PCNT: variants seen among roughly 807,000 people sequenced by gnomAD.
PCNT encodes kendrin.
A neutral mutation model predicts 380.4 loss-of-function variants in PCNT; 319 were observed. The observed-to-expected ratio is 0.84, with a 90% CI of 0.77 to 0.92. PCNT has a LOEUF of 0.92. PCNT is among the 40% of genes least tolerant of loss of function. PCNT has a pLI of 0.00. For missense variants in PCNT, 4,400 were observed against 4,255.3 expected (o/e 1.03, Z -0.95); for synonymous variants, 1,845 against 1,735.2 (o/e 1.06, Z -1.57).
intron 15 of PCNT, among the ~76,000 whole-genome samples, chr21:46,367,343 C>T (rs1292715360): frequency 9.6e-5 from 14 of 145,450 alleles, no homozygotes; most frequent in Non-Finnish European, 1.5e-4. Flanking sequence ...GAGTCTCACT[C>T]TTTCGCCAGG....
intron 31 of PCNT, among the ~76,000 whole-genome samples, chr21:46,421,699 G>A (rs916272599): frequency 6.6e-6 from 1 of 152,220 alleles, no homozygotes; most frequent in African/African-American, 2.4e-5. Context: ...GTGAGCAGAG[G>A]TCCCCTAAGA....
intron 16 of PCNT, among the ~76,000 whole-genome samples, chr21:46,384,836 G>A (rs1260237740): frequency 6.6e-6 from 1 of 152,208 alleles, no homozygotes; most frequent in Non-Finnish European, 1.5e-5. Flanking sequence ...CGCATTCACG[G>A]TGTTGTGCGT....
chr21:46,389,086 ATC>A, intron 18 of PCNT, 111 bp from the exon 19 acceptor site: 1 of 1,303,352 alleles, frequency 7.7e-7, no homozygotes, highest in South Asian at 1.3e-5. Flanking sequence ...GCGCTGACTC[ATC>A]TCGGCTGGGG....
rs549580009 is a variant in PCNT at position 46,370,644 on chromosome 21, G to T, written c.3165+3505G>T. On this transcript the variant is annotated intron_variant, in intron 15 of 46. Coordinates refer to ENST00000359568, the MANE Select transcript of PCNT (RefSeq NM_006031.6). The stretch of plus-strand genomic sequence containing the variant: ...CACACGGGCTGGGCTTGGGGCTCAT[G>T]CCTGTAATCCCAGGGCTTCGGGAGG... Among the ~76,000 whole-genome samples the T allele has an allele frequency of 9.9e-5, 15 of 152,248 alleles. No homozygotes were observed. In the East Asian group the frequency reaches 2.5e-3, roughly 26 times the overall value.
chr21:46,336,503 C>T (rs543967521), intron 3 of PCNT, among the ~76,000 whole-genome samples: 5 of 152,306 alleles, frequency 3.3e-5, no homozygotes, highest in Non-Finnish European at 7.3e-5. Flanking sequence ...CCGTGGGGAG[C>T]CCCTTCAGGT....
intron 5 of PCNT, 57 bp from the exon 6 acceptor site, chr21:46,347,399 TG>T: frequency 6.4e-7 from 1 of 1,570,806 alleles, no homozygotes; most frequent in Non-Finnish European, 8.8e-7. Flanking sequence ...CCTGGGCAGT[TG>T]GGTCACTGAA....
At chr21:46,428,927 T>C (rs922465286) in intron 35 of PCNT, among the ~76,000 whole-genome samples, 5 of 144,716 alleles carry the variant, frequency 3.5e-5, no homozygotes, top group Non-Finnish European at 7.4e-5. Flanking sequence ...TCGGGAGTTT[T>C]TATGTAGATG....
At chr21:46,341,854 T>C (rs1271901589) in intron 3 of PCNT, among the ~76,000 whole-genome samples, 4 of 152,068 alleles carry the variant, frequency 2.6e-5, no homozygotes, top group African/African-American at 7.2e-5. Context: ...AATTTTTAAA[T>C]ATTTTGTAGA....
chr21:46,400,880 C>T (rs2086401518), intron 25 of PCNT, among the ~76,000 whole-genome samples: 1 of 152,150 alleles, frequency 6.6e-6, no homozygotes, highest in Admixed American at 6.5e-5. Flanking sequence ...TTTCCTCAGG[C>T]CCTGACGTGT....
At chr21:46,422,294 G>A (rs1164159119) in intron 32 of PCNT, among the ~76,000 whole-genome samples, 170 bp downstream of exon 32, 1 of 152,160 alleles carries the variant, frequency 6.6e-6, no homozygotes, top group Non-Finnish European at 1.5e-5. Flanking sequence ...CGGTGGCCCC[G>A]GAAGCCGCCC....
At chr21:46,381,194 CTCTGTGTG>C (rs1202434716) in intron 15 of PCNT, among the ~76,000 whole-genome samples, 40 of 72,904 alleles carry the variant, frequency 5.5e-4, no homozygotes, top group Admixed American at 3.8e-3. Context: ...AAAAAAAAAT[CTCTGTGTG>C]TGTGTGTGTG....
At position 46,376,866 on chromosome 21, in the gene PCNT, TAAA is replaced by T. The variant is rs1488427682; in HGVS notation, c.3166-4827_3166-4825del. Among the ~76,000 whole-genome samples the T allele has an allele frequency of 2.0e-5, 3 of 152,354 alleles. 1 individual carries two copies. The highest frequency in any genetic ancestry group is 7.2e-5 in the African/African-American group (3 of 41,582). On this transcript the variant is annotated intron_variant, in intron 15 of 46. Transcript: ENST00000359568. The stretch of plus-strand genomic sequence containing the variant: ...GTCCTTCCTTTCAAACAGATGGAAC[TAAA>T]TCAAATCCAGGAGAGAAAGTTGATT...
intron 42 of PCNT, 93 bp downstream of exon 42, chr21:46,440,295 C>G (rs2053572628): frequency 7.3e-7 from 1 of 1,366,912 alleles, no homozygotes; most frequent in South Asian, 1.2e-5. Flanking sequence ...CCACAAGGTT[C>G]TCGTCTGCCG....
At chr21:46,359,592 G>A (rs1314747098) in intron 13 of PCNT, among the ~76,000 whole-genome samples, 2 of 134,156 alleles carry the variant, frequency 1.5e-5, no homozygotes, top group Admixed American at 7.8e-5. Context: ...GGTTTCAAGC[G>A]ATTCTGCTGC....
At chr21:46,436,437 C>G (rs2053450681) in intron 39 of PCNT, among the ~76,000 whole-genome samples, 1 of 148,322 alleles carries the variant, frequency 6.7e-6, no homozygotes, top group Non-Finnish European at 1.5e-5. Flanking sequence ...TAGTTGCTCA[C>G]CACCCACAGG....
intron 35 of PCNT, 86 bp downstream of exon 35, chr21:46,428,676 G>A: frequency 6.6e-6 from 8 of 1,204,634 alleles, no homozygotes; most frequent in South Asian, 1.3e-5. Context: ...GGAGCAGAGG[G>A]TGGTGACAGG....
intron 7 of PCNT, 110 bp from the exon 8 acceptor site, chr21:46,349,574 A>G (rs2084194059): frequency 1.6e-6 from 2 of 1,220,874 alleles, no homozygotes; most frequent in East Asian, 2.3e-5. Context: ...GGGGGCGCCC[A>G]GGATGGGGCT....
At chr21:46,408,480 T>G (rs912377779) in intron 27 of PCNT, among the ~76,000 whole-genome samples, 2 of 152,238 alleles carry the variant, frequency 1.3e-5, no homozygotes, top group African/African-American at 4.8e-5. Context: ...ACTGTCAAAC[T>G]GTTTTCTATA....
chr21:46,418,180 G>T, intron 30 of PCNT, 24 bp from the exon 31 acceptor site: 1 of 1,388,972 alleles, frequency 7.2e-7, no homozygotes, highest in South Asian at 1.2e-5. Flanking sequence ...ATTATTTTAT[G>T]ACCATTTAAA....
Sources: gnomAD v4.1 joint callset for allele counts (sites outside exome capture counted in the v4.1 genomes callset) on GRCh38, gnomAD v4.1.1 for gene constraint, MANE v1.5 for transcripts, NCBI Gene and HGNC (gene_info 2026-07-23, HGNC 2026-07-21) for gene names.